Variants in COL19A1 observed in about 807,000 individuals in gnomAD.
COL19A1 encodes collagen alpha-1(XIX) chain.
In COL19A1, 159 loss-of-function variants were observed where a neutral mutation model predicts 190.2. The observed-to-expected ratio is 0.84, with a 90% CI of 0.73 to 0.95. COL19A1 has a LOEUF of 0.95. COL19A1 is among the 40% of genes least tolerant of loss of function. The probability of loss-of-function intolerance (pLI) is 0.00; values close to 1 mark genes in which losing one functional copy is unlikely to be tolerated. For synonymous variants in COL19A1, 509 were observed against 458.9 expected (o/e 1.11, Z -1.39); for missense variants, 1,418 against 1,431.9 (o/e 0.99, Z 0.16).
intron 15 of COL19A1, among the ~76,000 whole-genome samples, chr6:70,075,791 T>A (rs1781848979): frequency 6.6e-6 from 1 of 151,780 alleles, no homozygotes; most frequent in Admixed American, 6.6e-5. Context: ...AAAAAAAAAA[T>A]TGTAAGCAAT....
chr6:70,093,489 A>G (rs1222187168), intron 15 of COL19A1, among the ~76,000 whole-genome samples: 1 of 152,038 alleles, frequency 6.6e-6, no homozygotes, highest in Non-Finnish European at 1.5e-5. Flanking sequence ...AGGCATTCCA[A>G]CAAATCTAAA....
At position 70,098,025 on chromosome 6, in the gene COL19A1, C is replaced by T. The variant is rs562153834; in HGVS notation, c.1225-4144C>T. Among the ~76,000 whole-genome samples the T allele has an allele frequency of 3.9e-5, 6 of 152,240 alleles. No individual in the cohort carries two copies. The East Asian group carries it at 1.2e-3, about 29-fold the overall frequency. ...CCTTGTAATGAATGGACCAAAACAGCCAGAGATAGAAGTGAAAGCAAACAT... is the reference window on the plus strand; with the variant it reads ...CCTTGTAATGAATGGACCAAAACAGTCAGAGATAGAAGTGAAAGCAAACAT... On this transcript the variant is annotated intron_variant, in intron 15 of 50. Coordinates refer to ENST00000620364, the MANE Select transcript of COL19A1 (RefSeq NM_001858.6).
chr6:70,017,802 G>T (rs1472139209), intron 11 of COL19A1, among the ~76,000 whole-genome samples: 3 of 152,130 alleles, frequency 2.0e-5, no homozygotes, highest in Non-Finnish European at 4.4e-5. Flanking sequence ...CTTCAGATAG[G>T]TTAAGGAAGA....
In COL19A1 at chr6:70,068,359, A is replaced by G. The variant is rs1781366037; in HGVS notation, c.1171-64A>G. Reference sequence around the variant, plus strand: ...AACAAAATAATTATTAATTTTCACAACATTCTTTGTGAGGCAGGTGTACTT... The same window carrying G: ...AACAAAATAATTATTAATTTTCACAGCATTCTTTGTGAGGCAGGTGTACTT... On this transcript the variant is annotated intron_variant, in intron 14 of 50. Coordinates refer to ENST00000620364, the MANE Select transcript of COL19A1 (RefSeq NM_001858.6). The G allele has an allele frequency of 1.1e-5, 11 of 1,036,452 alleles. No homozygotes were observed. The Admixed American group carries it at 1.4e-4, about 13-fold the overall frequency. The allele number at this position is 1,036,452 out of a possible 1,614,324, so 64.2% of individuals were successfully genotyped here.
intron 11 of COL19A1, among the ~76,000 whole-genome samples, chr6:70,019,662 T>G (rs1216456946): frequency 6.6e-6 from 1 of 152,110 alleles, no homozygotes; most frequent in Non-Finnish European, 1.5e-5. Context: ...TTCGTTGAAG[T>G]TTTTATTAGA....
intron 14 of COL19A1, among the ~76,000 whole-genome samples, chr6:70,038,774 G>T (rs190346287): frequency 1.3e-5 from 2 of 152,306 alleles, no homozygotes; most frequent in East Asian, 3.9e-4. Flanking sequence ...AAGGGAGTCA[G>T]ATACTACTGG....
At chr6:70,112,454 T>C (rs779410280) in intron 16 of COL19A1, among the ~76,000 whole-genome samples, 3 of 152,108 alleles carry the variant, frequency 2.0e-5, no homozygotes, top group Non-Finnish European at 4.4e-5. Flanking sequence ...GTATGAAACA[T>C]TTTATGGATG....
intron 4 of COL19A1, among the ~76,000 whole-genome samples, chr6:69,918,699 C>A (rs544109454): frequency 1.3e-5 from 2 of 152,012 alleles, no homozygotes; most frequent in African/African-American, 4.8e-5. Context: ...GAGTGAGACC[C>A]TGCCGCAAAA....
chr6:70,067,331 A>G (rs974304458), intron 14 of COL19A1, among the ~76,000 whole-genome samples: 1 of 151,870 alleles, frequency 6.6e-6, no homozygotes, highest in Non-Finnish European at 1.5e-5. Context: ...GATAAAGCCA[A>G]CAAGATTTTG....
At chr6:70,064,470 AAG>A in intron 14 of COL19A1, among the ~76,000 whole-genome samples, 1 of 152,212 alleles carries the variant, frequency 6.6e-6, no homozygotes, top group East Asian at 1.9e-4. Flanking sequence ...TCAAAATAAT[AAG>A]AGCTATTTAT....
In COL19A1 at chr6:70,029,089, A is replaced by G. The variant is rs377240477; in HGVS notation, c.1081-5156A>G. On this transcript the variant is annotated intron_variant, in intron 12 of 50. Coordinates refer to ENST00000620364, the MANE Select transcript of COL19A1 (RefSeq NM_001858.6). ...ATGTTAATCTCCTTATACCAATGCA[A>G]TCTGTACTAGAGGATACAAAAATAT... 6.1e-4 allele frequency among the ~76,000 whole-genome samples: 93 copies of G among 152,224 alleles called. 2 individuals carry two copies. The highest frequency in any genetic ancestry group is 5.1e-3 in the Admixed American group (78 of 15,258).
At chr6:70,192,122 G>A (rs1766911824) in intron 48 of COL19A1, among the ~76,000 whole-genome samples, 2 of 152,116 alleles carry the variant, frequency 1.3e-5, no homozygotes, top group Admixed American at 6.5e-5. Flanking sequence ...GTGCAATGAC[G>A]CGATCTCAGC....
At chr6:70,009,926 C>T (rs1038311162) in intron 11 of COL19A1, among the ~76,000 whole-genome samples, 2 of 152,050 alleles carry the variant, frequency 1.3e-5, no homozygotes, top group Admixed American at 6.6e-5. Flanking sequence ...ATACCTCCCA[C>T]ATTATAGAAA....
rs1286489609 is a variant in COL19A1, at chr6:70,024,614, TGGGTGTGTGG to T, written c.1080+936_1080+945del. Among the ~76,000 whole-genome samples, 960 of 142,218 alleles carry T rather than the reference TGGGTGTGTGG, an allele frequency of 6.8e-3. 4 individuals carry two copies. Among genetic ancestry groups the T allele is most frequent in the Middle Eastern group, 0.018 (5 of 274 alleles). 93.3% of individuals were successfully genotyped at this position (142,218 alleles called of 152,430 possible). A position where few individuals can be genotyped will look rare whatever the true frequency, so the allele number is the denominator to read the frequency against. On this transcript the variant is annotated intron_variant, in intron 12 of 50. Transcript: ENST00000620364. The stretch of plus-strand genomic sequence containing the variant: ...GTGTGTGTGTGTGTGTGTGTGTGTG[TGGGTGTGTGG>T]GTGTGTGTGTGTGGAGTCTCCCAAA...
intron 12 of COL19A1, among the ~76,000 whole-genome samples, chr6:70,025,026 C>CTTT (rs1201144149): frequency 4.5e-4 from 62 of 137,734 alleles, no homozygotes; most frequent in African/African-American, 1.6e-3. Context: ...GGGATAGATT[C>CTTT]TTTTTTTTTT....
At chr6:69,872,937 C>T (rs1335025724) in intron 1 of COL19A1, among the ~76,000 whole-genome samples, 1 of 152,096 alleles carries the variant, frequency 6.6e-6, no homozygotes, top group Non-Finnish European at 1.5e-5. Flanking sequence ...TATGTCTGTC[C>T]CACATCCTGA....
At chr6:70,066,024 T>C (rs555332635) in intron 14 of COL19A1, among the ~76,000 whole-genome samples, 8 of 152,302 alleles carry the variant, frequency 5.3e-5, no homozygotes, top group Admixed American at 1.3e-4. Context: ...GTTCAACCAT[T>C]GTGGAAGACA....
At chr6:70,139,034 T>A (rs896737033) in intron 19 of COL19A1, among the ~76,000 whole-genome samples, 4 of 152,076 alleles carry the variant, frequency 2.6e-5, no homozygotes, top group Non-Finnish European at 5.9e-5. Flanking sequence ...CTTCTCTTAA[T>A]TTCCACATGA....
chr6:70,129,223 A>T lies in COL19A1; in HGVS notation c.1342-959A>T, dbSNP rs146277026. ...GAAAATTGTCCAGAAATGGGAGGAA[A>T]GAGAGTAACTTAAGGGAAATGTGTG... On this transcript the variant is annotated intron_variant, in intron 17 of 50. Transcript: ENST00000620364. Among the ~76,000 whole-genome samples, 34 of 152,340 alleles carry T rather than the reference A, an allele frequency of 2.2e-4. 1 individual carries two copies. The highest frequency in any genetic ancestry group is 7.7e-4 in the African/African-American group (32 of 41,584).
Sources: allele counts gnomAD v4.1 joint callset (sites outside exome capture counted in the v4.1 genomes callset), GRCh38; gene constraint gnomAD v4.1.1; transcripts MANE v1.5; gene names NCBI Gene and HGNC (gene_info 2026-07-23, HGNC 2026-07-21).